VPS13A: variants seen among roughly 807,000 people sequenced by gnomAD.
VPS13A encodes the protein intermembrane lipid transfer protein VPS13A.
In VPS13A, 264 loss-of-function variants were observed where a neutral mutation model predicts 390.9. The ratio of observed to expected loss-of-function variants is 0.68; its 90% CI spans 0.61 to 0.75. The LOEUF (loss-of-function observed/expected upper bound fraction) is 0.75. Ranked by LOEUF, VPS13A falls within the 30% of genes least tolerant of loss-of-function variation. VPS13A has a pLI of 0.00. For missense variants in VPS13A, 3,409 were observed against 3,733.9 expected (o/e 0.91, Z 2.27); for synonymous variants, 1,231 against 1,227.1 (o/e 1.00, Z -0.07).
At chr9:77,392,631 C>T (rs768387959) in intron 68 of VPS13A, among the ~76,000 whole-genome samples, 15 of 151,952 alleles carry the variant, frequency 9.9e-5, no homozygotes, top group Non-Finnish European at 2.2e-4. Flanking sequence ...CAAAGCAAGT[C>T]ACACGCATAT....
chr9:77,316,515 A>T, intron 39 of VPS13A, 109 bp downstream of exon 39: 1 of 907,868 alleles, frequency 1.1e-6, no homozygotes, highest in Non-Finnish European at 1.8e-6. Context: ...GCTCTGTAAA[A>T]TGTCTTTCTC....
chr9:77,339,176 G>C (rs1830687393), intron 47 of VPS13A: 1 of 256,644 alleles, frequency 3.9e-6, no homozygotes, highest in South Asian at 6.5e-5. Context: ...ATCACGAGTG[G>C]TTAAGATTGT....
chr9:77,191,120 T>G (rs578114476), intron 1 of VPS13A, among the ~76,000 whole-genome samples: 25 of 152,228 alleles, frequency 1.6e-4, no homozygotes, highest in Admixed American at 1.4e-3. Flanking sequence ...CTAGTTCCTC[T>G]AGGCATGATG....
intron 21 of VPS13A, among the ~76,000 whole-genome samples, chr9:77,251,216 A>G (rs944246149): frequency 2.0e-5 from 3 of 152,204 alleles, no homozygotes; most frequent in African/African-American, 7.2e-5. Flanking sequence ...CGTTATTTTC[A>G]GAATTCCACA....
At chr9:77,335,596 GA>G (rs922233192) in intron 46 of VPS13A, among the ~76,000 whole-genome samples, 2 of 152,104 alleles carry the variant, frequency 1.3e-5, no homozygotes, top group African/African-American at 2.4e-5. Flanking sequence ...ACAAATGTAT[GA>G]AAAAAAGCTC....
At chr9:77,327,996 C>G (rs1830100021) in intron 45 of VPS13A, among the ~76,000 whole-genome samples, 1 of 152,138 alleles carries the variant, frequency 6.6e-6, no homozygotes, top group African/African-American at 2.4e-5. Context: ...AGAGGAATCA[C>G]TATCTATGGG....
At chr9:77,263,152 C>T (rs1389908602) in intron 23 of VPS13A, among the ~76,000 whole-genome samples, 1 of 150,524 alleles carries the variant, frequency 6.6e-6, no homozygotes, top group Admixed American at 6.6e-5. Context: ...TGTCGCCCAG[C>T]CTGGAGTGCA....
At chr9:77,370,614 A>T (rs1832697300) in intron 65 of VPS13A, 36 bp downstream of exon 65, 2 of 1,613,174 alleles carry the variant, frequency 1.2e-6, no homozygotes, top group African/African-American at 2.7e-5. Flanking sequence ...GATTTTGGGA[A>T]ATATCTTTTA....
chr9:77,188,173 G>C (rs1048977762), intron 1 of VPS13A, among the ~76,000 whole-genome samples: 4 of 152,166 alleles, frequency 2.6e-5, no homozygotes, highest in African/African-American at 4.8e-5. Context: ...ATGATTGAAA[G>C]CTTCCTGCGT....
intron 68 of VPS13A, among the ~76,000 whole-genome samples, chr9:77,396,975 C>T (rs1045752457): frequency 6.6e-5 from 10 of 152,080 alleles, no homozygotes; most frequent in African/African-American, 2.4e-4. Context: ...TTTTATCTTT[C>T]ATTTAGATGA....
At chr9:77,205,454 T>C (rs1825584737) in intron 4 of VPS13A, 46 bp downstream of exon 4, 1 of 927,140 alleles carries the variant, frequency 1.1e-6, no homozygotes, top group Non-Finnish European at 1.5e-6. Context: ...TTCTTTTTTA[T>C]GGATGGAAAA....
chr9:77,216,766 T>C (rs1167999309), intron 10 of VPS13A, among the ~76,000 whole-genome samples: 1 of 152,160 alleles, frequency 6.6e-6, no homozygotes, highest in East Asian at 1.9e-4. Flanking sequence ...AAATAGGCCA[T>C]CTGCAAGCTG....
At chr9:77,238,408 G>A (rs1225190462) in intron 19 of VPS13A, 22 bp downstream of exon 19, 1 of 1,539,646 alleles carries the variant, frequency 6.5e-7, no homozygotes. Flanking sequence ...TATTAATGTT[G>A]GTGAATTAAA....
chr9:77,343,932 T>C (rs1830986998), intron 50 of VPS13A, among the ~76,000 whole-genome samples: 1 of 152,190 alleles, frequency 6.6e-6, no homozygotes. Flanking sequence ...ACCATAGCTC[T>C]TCAATTTGCT....
intron 67 of VPS13A, among the ~76,000 whole-genome samples, chr9:77,377,861 G>A (rs529904614): frequency 6.6e-6 from 1 of 152,198 alleles, no homozygotes; most frequent in African/African-American, 2.4e-5. Context: ...ATAGGTTTTT[G>A]TGTCTTTATC....
chr9:77,384,627 A>T, intron 68 of VPS13A: 1 of 1,609,752 alleles, frequency 6.2e-7, no homozygotes, highest in Non-Finnish European at 8.5e-7. Flanking sequence ...TCACAGTAGC[A>T]GTAGTGATGA....
At chr9:77,264,916 T>A (rs1221778047) in intron 23 of VPS13A, among the ~76,000 whole-genome samples, 3 of 152,244 alleles carry the variant, frequency 2.0e-5, no homozygotes, top group South Asian at 2.1e-4. Flanking sequence ...CCATTCAGTA[T>A]GATATTGTTT....
chr9:77,406,336 T>C (rs1834607076), intron 70 of VPS13A, among the ~76,000 whole-genome samples: 1 of 152,224 alleles, frequency 6.6e-6, no homozygotes, highest in Non-Finnish European at 1.5e-5. Flanking sequence ...ATTTTCCCTT[T>C]CTAACATTAA....
chr9:77,405,841 T>C (rs761530406), intron 69 of VPS13A, 23 bp from the exon 70 acceptor site: 2 of 1,611,554 alleles, frequency 1.2e-6, no homozygotes, highest in East Asian at 4.5e-5. Context: ...AAGCGAATTC[T>C]TTTTTTGTTT....
Sources: gnomAD v4.1 joint callset for allele counts (sites outside exome capture counted in the v4.1 genomes callset) on GRCh38, gnomAD v4.1.1 for gene constraint, MANE v1.5 for transcripts, NCBI Gene and HGNC (gene_info 2026-07-23, HGNC 2026-07-21) for gene names.